Variants in SH3RF3 observed in about 807,000 individuals in gnomAD.
SH3RF3 encodes SH3 domain containing ring finger 3.
A neutral mutation model predicts 66.3 loss-of-function variants in SH3RF3; 29 were observed. That is an observed-to-expected ratio of 0.44 (90% CI 0.33 to 0.60). SH3RF3 has a LOEUF of 0.60. SH3RF3 is among the 20% of genes least tolerant of loss of function. The pLI is 0.04. For missense variants in SH3RF3, 1,194 were observed against 1,190.9 expected (o/e 1.00, Z -0.04); for synonymous variants, 583 against 532.0 (o/e 1.10, Z -1.32).
At chr2:109,425,392 C>T (rs1209321099) in intron 5 of SH3RF3, among the ~76,000 whole-genome samples, 1 of 152,170 alleles carries the variant, frequency 6.6e-6, no homozygotes, top group Non-Finnish European at 1.5e-5. Context: ...TCAGTGTAGA[C>T]AAAACAGCCC....
chr2:109,454,665 A>G (rs546317380), intron 8 of SH3RF3, among the ~76,000 whole-genome samples: 1 of 152,144 alleles, frequency 6.6e-6, no homozygotes, highest in Non-Finnish European at 1.5e-5. Flanking sequence ...TTTAGATTGG[A>G]TGGGATAAAC....
At chr2:109,296,124 C>T (rs1426263656) in intron 1 of SH3RF3, among the ~76,000 whole-genome samples, 6 of 152,128 alleles carry the variant, frequency 3.9e-5, no homozygotes, top group Non-Finnish European at 8.8e-5. Context: ...CTGTTCTCTA[C>T]GTCTGTGCGC....
At chr2:109,463,316 G>A (rs577604158) in intron 8 of SH3RF3, among the ~76,000 whole-genome samples, 1 of 152,298 alleles carries the variant, frequency 6.6e-6, no homozygotes, top group South Asian at 2.1e-4. Flanking sequence ...CTTGTCTCAC[G>A]GTATTACCAC....
chr2:109,220,087 A>G (rs1679196832), intron 1 of SH3RF3, among the ~76,000 whole-genome samples: 1 of 152,258 alleles, frequency 6.6e-6, no homozygotes, highest in South Asian at 2.1e-4. Flanking sequence ...ATATAAACCA[A>G]TGGAATACAA....
chr2:109,351,674 C>G (rs1036471913), intron 2 of SH3RF3, among the ~76,000 whole-genome samples: 1 of 152,170 alleles, frequency 6.6e-6, no homozygotes, highest in Admixed American at 6.5e-5. Flanking sequence ...AGAGAGTGCC[C>G]GCTGATCATG....
chr2:109,232,478 C>T (rs1267492865), intron 1 of SH3RF3, among the ~76,000 whole-genome samples: 3 of 152,164 alleles, frequency 2.0e-5, no homozygotes, highest in Non-Finnish European at 2.9e-5. Flanking sequence ...ACACCTGTCC[C>T]GTAGGGTGCT....
Position 109,129,304 on chromosome 2 carries a change from C to G in SH3RF3, c.-237C>G, listed in dbSNP as rs1314376037. 1.3e-6 allele frequency: 1 copy of G among 757,166 alleles called. No individual in the cohort carries two copies. The highest frequency in any genetic ancestry group is 2.3e-5 in the Admixed American group (1 of 42,744). The allele number at this position is 757,166 out of a possible 1,614,324, so 46.9% of individuals were successfully genotyped here. ...GTAGCCCGCAGCCGCAGGCGCTGCGCTCAGGACTGGGCGGGCTCGGCTGGC... is the reference window on the plus strand; with the variant it reads ...GTAGCCCGCAGCCGCAGGCGCTGCGGTCAGGACTGGGCGGGCTCGGCTGGC... On this transcript the variant is annotated 5_prime_UTR_variant, in exon 1 of 10. Coordinates refer to ENST00000309415, the MANE Select transcript of SH3RF3 (RefSeq NM_001099289.3).
At chr2:109,194,245 C>A (rs1285505793) in intron 1 of SH3RF3, among the ~76,000 whole-genome samples, 1 of 152,260 alleles carries the variant, frequency 6.6e-6, no homozygotes, top group African/African-American at 2.4e-5. Context: ...ATCCATCAGC[C>A]TCATGACACA....
intron 5 of SH3RF3, among the ~76,000 whole-genome samples, chr2:109,424,691 C>G (rs1028813693): frequency 9.9e-5 from 15 of 152,138 alleles, no homozygotes; most frequent in African/African-American, 3.6e-4. Flanking sequence ...TGGACCATGC[C>G]CACATAAGAC....
chr2:109,278,010 CAAAAAAAAAA>C (rs58675048), intron 1 of SH3RF3, among the ~76,000 whole-genome samples: 3 of 81,326 alleles, frequency 3.7e-5, no homozygotes, highest in African/African-American at 1.0e-4. Context: ...CTGTCTCTAA[CAAAAAAAAAA>C]AAAAAAAAAA....
intron 1 of SH3RF3, among the ~76,000 whole-genome samples, chr2:109,294,616 G>C (rs959093848): frequency 1.6e-4 from 24 of 151,048 alleles, no homozygotes; most frequent in Admixed American, 2.0e-4. Flanking sequence ...ATTGCTGTGA[G>C]AGCCATCCTT....
At chr2:109,229,569 G>A (rs1187970382) in intron 1 of SH3RF3, among the ~76,000 whole-genome samples, 1 of 152,066 alleles carries the variant, frequency 6.6e-6, no homozygotes, top group Non-Finnish European at 1.5e-5. Flanking sequence ...CTGAATTGGT[G>A]GGTTTGCATT....
intron 2 of SH3RF3, among the ~76,000 whole-genome samples, chr2:109,363,298 C>T (rs1201459989): frequency 6.6e-6 from 1 of 152,090 alleles, no homozygotes; most frequent in African/African-American, 2.4e-5. Flanking sequence ...TTCAAGCCCA[C>T]TTTCAAATAA....
intron 1 of SH3RF3, among the ~76,000 whole-genome samples, chr2:109,218,572 C>G (rs1378023981): frequency 6.6e-6 from 1 of 152,144 alleles, no homozygotes; most frequent in Non-Finnish European, 1.5e-5. Flanking sequence ...ACCTTTTCAT[C>G]TCTCGGTCAA....
intron 1 of SH3RF3, among the ~76,000 whole-genome samples, chr2:109,300,600 C>T (rs1318002267): frequency 6.6e-6 from 1 of 152,178 alleles, no homozygotes; most frequent in Non-Finnish European, 1.5e-5. Flanking sequence ...GGCAAATATG[C>T]ACTGGGACTT....
intron 7 of SH3RF3, among the ~76,000 whole-genome samples, chr2:109,438,038 A>G (rs1347248672): frequency 6.6e-6 from 1 of 152,234 alleles, no homozygotes; most frequent in Non-Finnish European, 1.5e-5. Flanking sequence ...AAGGGCAAAA[A>G]TAATGTAAAT....
At chr2:109,383,828 C>T (rs898366360) in intron 3 of SH3RF3, among the ~76,000 whole-genome samples, 1 of 152,188 alleles carries the variant, frequency 6.6e-6, no homozygotes, top group African/African-American at 2.4e-5. Context: ...TCCAGACGTC[C>T]TGTTTTCAGT....
intron 2 of SH3RF3, among the ~76,000 whole-genome samples, chr2:109,369,023 C>G (rs972284451): frequency 1.3e-5 from 2 of 152,078 alleles, no homozygotes; most frequent in African/African-American, 2.4e-5. Context: ...GGGCCCCACT[C>G]TAGTGTCCTC....
intron 2 of SH3RF3, among the ~76,000 whole-genome samples, chr2:109,358,002 A>G (rs887412385): frequency 6.6e-6 from 1 of 152,180 alleles, no homozygotes; most frequent in Non-Finnish European, 1.5e-5. Flanking sequence ...TTATAGGCCC[A>G]TACAAAGTAG....
Sources: gnomAD v4.1 joint callset for allele counts (sites outside exome capture counted in the v4.1 genomes callset) on GRCh38, gnomAD v4.1.1 for gene constraint, MANE v1.5 for transcripts, NCBI Gene and HGNC (gene_info 2026-07-23, HGNC 2026-07-21) for gene names.